Variants in MYO16 observed in about 807,000 individuals in gnomAD.
MYO16 encodes unconventional myosin-XVI.
A neutral mutation model predicts 205.3 loss-of-function variants in MYO16; 94 were observed. That is an observed-to-expected ratio of 0.46 (90% CI 0.39 to 0.54). MYO16 has a LOEUF of 0.54. Ranked by LOEUF, MYO16 falls within the 20% of genes least tolerant of loss-of-function variation. MYO16 has a pLI of 0.00. For synonymous variants in MYO16, 988 were observed against 954.0 expected (o/e 1.04, Z -0.66); for missense variants, 2,315 against 2,387.5 (o/e 0.97, Z 0.63).
rs532287290 is a variant in MYO16 at position 108,821,152 on chromosome 13, A to T, written c.943+740A>T. 1.4e-3 allele frequency among the ~76,000 whole-genome samples: 214 copies of T among 152,224 alleles called. 1 individual carries two copies. Among genetic ancestry groups the T allele is most frequent in the African/African-American group, 4.9e-3 (204 of 41,580 alleles). On this transcript the variant is annotated intron_variant, in intron 8 of 34. Coordinates refer to ENST00000457511, the MANE Select transcript of MYO16 (RefSeq NM_001198950.3). The stretch of plus-strand genomic sequence containing the variant: ...GACAGTAATTGATCTGAATAACTTT[A>T]TAAATACATTATTCCTCTTGCTATA...
chr13:108,714,043 T>A (rs1204068348), intron 3 of MYO16, among the ~76,000 whole-genome samples: 1 of 152,034 alleles, frequency 6.6e-6, no homozygotes, highest in African/African-American at 2.4e-5. Context: ...CGTAAGCCTG[T>A]TTTTTTGTTT....
intron 1 of MYO16, among the ~76,000 whole-genome samples, chr13:108,638,970 G>A (rs1429113058): frequency 6.6e-6 from 1 of 152,152 alleles, no homozygotes; most frequent in Non-Finnish European, 1.5e-5. Context: ...CCTGCACAAA[G>A]CACCATGTTG....
chr13:109,046,148 A>C (rs78035171), intron 23 of MYO16, among the ~76,000 whole-genome samples: 5,322 of 152,220 alleles, frequency 0.035, 134 homozygotes, highest in South Asian at 0.056. Flanking sequence ...TGTGTCTCCC[A>C]TTATCCACTA....
intron 3 of MYO16, among the ~76,000 whole-genome samples, chr13:108,718,365 GGGCAGACTCT>G (rs1884030326): frequency 6.6e-6 from 1 of 151,968 alleles, no homozygotes; most frequent in African/African-American, 2.4e-5. Flanking sequence ...AGAGCTACAA[GGGCAGACTCT>G]AGCAAGAACA....
intron 17 of MYO16, among the ~76,000 whole-genome samples, chr13:108,961,154 A>G (rs753602824): frequency 3.3e-5 from 5 of 152,162 alleles, no homozygotes; most frequent in African/African-American, 4.8e-5. Context: ...ATAGCGTCCA[A>G]CGTGAGCCTG....
chr13:109,076,095 G>T (rs150972769), intron 27 of MYO16, among the ~76,000 whole-genome samples: 13 of 152,240 alleles, frequency 8.5e-5, no homozygotes, highest in South Asian at 4.1e-4. Flanking sequence ...TTCAGTGTCT[G>T]CAGGGTCTCC....
the MYO16 span, among the ~76,000 whole-genome samples, chr13:108,556,080 A>G: frequency 6.6e-6 from 1 of 152,206 alleles, no homozygotes; most frequent in Non-Finnish European, 1.5e-5. Flanking sequence ...CTTGGCTATT[A>G]TGAATAATGA....
chr13:108,883,291 C>G, intron 13 of MYO16, 105 bp downstream of exon 13: 1 of 1,372,726 alleles, frequency 7.3e-7, no homozygotes, highest in Admixed American at 2.2e-5. Flanking sequence ...TTTCTCAGCA[C>G]CTTGAGGTCC....
intron 1 of MYO16, among the ~76,000 whole-genome samples, chr13:108,617,409 A>C (rs1283567862): frequency 1.3e-5 from 2 of 152,206 alleles, no homozygotes; most frequent in Admixed American, 6.5e-5. Flanking sequence ...CAGCTATGAT[A>C]GCTCATTTCA....
intron 27 of MYO16, among the ~76,000 whole-genome samples, chr13:109,059,000 A>G (rs1240503825): frequency 2.6e-5 from 4 of 152,128 alleles, no homozygotes; most frequent in Admixed American, 6.5e-5. Context: ...CTCCTCATCC[A>G]TTAATATTTG....
the MYO16 span, among the ~76,000 whole-genome samples, chr13:108,504,392 G>T: frequency 6.6e-6 from 1 of 152,186 alleles, no homozygotes; most frequent in Non-Finnish European, 1.5e-5. Flanking sequence ...CTCCCAAAGT[G>T]CTGGGATTAT....
chr13:108,749,883 C>T (rs1240025708), intron 4 of MYO16, among the ~76,000 whole-genome samples: 2 of 152,148 alleles, frequency 1.3e-5, no homozygotes, highest in Non-Finnish European at 2.9e-5. Flanking sequence ...CCAAGATGTC[C>T]TTCTGTAAAC....
chr13:109,106,022 A>G (rs1338637523), intron 28 of MYO16, among the ~76,000 whole-genome samples: 2 of 152,252 alleles, frequency 1.3e-5, no homozygotes, highest in Non-Finnish European at 2.9e-5. Context: ...TGGACTAGTC[A>G]GAGCCACGTC....
intron 4 of MYO16, among the ~76,000 whole-genome samples, chr13:108,776,565 G>C (rs931282272): frequency 6.6e-6 from 1 of 152,078 alleles, no homozygotes; most frequent in Non-Finnish European, 1.5e-5. Context: ...CTGTACATGC[G>C]TGTATCCTTA....
chr13:108,768,738 G>A (rs1885862415), intron 4 of MYO16, among the ~76,000 whole-genome samples: 1 of 152,134 alleles, frequency 6.6e-6, no homozygotes, highest in Non-Finnish European at 1.5e-5. Flanking sequence ...TAATGAAAAT[G>A]AAGTTAAATT....
chr13:109,021,751 C>T (rs555195715), intron 23 of MYO16, among the ~76,000 whole-genome samples: 5 of 151,958 alleles, frequency 3.3e-5, no homozygotes, highest in Non-Finnish European at 5.9e-5. Flanking sequence ...TTGGGTGGGG[C>T]CAAATCATGA....
intron 4 of MYO16, among the ~76,000 whole-genome samples, chr13:108,775,916 T>C (rs1413021846): frequency 1.3e-5 from 2 of 152,184 alleles, no homozygotes; most frequent in East Asian, 3.9e-4. Context: ...CACGTCACCT[T>C]AGCTTTGTCC....
At chr13:108,885,499 A>G (rs1466508136) in intron 13 of MYO16, among the ~76,000 whole-genome samples, 1 of 152,120 alleles carries the variant, frequency 6.6e-6, no homozygotes, top group East Asian at 1.9e-4. Flanking sequence ...CCCTATTTTT[A>G]TCTGCTTTGT....
chr13:109,101,867 A>T (rs1242084084), intron 28 of MYO16: 1 of 152,208 alleles, frequency 6.6e-6, no homozygotes, highest in Admixed American at 6.5e-5. Flanking sequence ...TTGATGAGTC[A>T]AAGGATGGGG....
Sources: allele counts gnomAD v4.1 joint callset (sites outside exome capture counted in the v4.1 genomes callset), GRCh38; gene constraint gnomAD v4.1.1; transcripts MANE v1.5; gene names NCBI Gene and HGNC (gene_info 2026-07-23, HGNC 2026-07-21).